The following SLC36A1 variants were observed in gnomAD, a reference collection of about 807,000 sequenced individuals.
SLC36A1 encodes the protein proton-coupled amino acid transporter 1.
SLC36A1 carries 30 observed loss-of-function variants against 47.5 expected under a neutral mutation model. The ratio of observed to expected loss-of-function variants is 0.63; its 90% CI spans 0.47 to 0.86. The LOEUF is 0.86. SLC36A1 is among the 40% of genes least tolerant of loss of function. The probability of loss-of-function intolerance (pLI) is 0.00; values close to 1 mark genes in which losing one functional copy is unlikely to be tolerated. For missense variants in SLC36A1, 517 were observed against 606.0 expected (o/e 0.85, Z 1.54); for synonymous variants, 255 against 249.7 (o/e 1.02, Z -0.20).
chr5:151,502,518 T>C, the SLC36A1 span, among the ~76,000 whole-genome samples: 1 of 147,640 alleles, frequency 6.8e-6, no homozygotes, highest in African/African-American at 2.7e-5. Context: ...AGCAGATCTA[T>C]AGATGTCAAA....
chr5:151,371,151 CA>C, the SLC36A1 span, among the ~76,000 whole-genome samples: 1 of 151,976 alleles, frequency 6.6e-6, no homozygotes. Flanking sequence ...AAATGTCCTC[CA>C]GGGGTGGAGG....
the SLC36A1 span, among the ~76,000 whole-genome samples, chr5:151,430,859 C>T: frequency 6.6e-6 from 1 of 152,200 alleles, no homozygotes; most frequent in Non-Finnish European, 1.5e-5. Context: ...TAACACAAAG[C>T]CTTGCCCATT....
chr5:151,543,725 A>G, the SLC36A1 span: 3 of 1,614,208 alleles, frequency 1.9e-6, no homozygotes, highest in South Asian at 3.3e-5. Flanking sequence ...GTGTTGATGT[A>G]CACAGGCACA....
the SLC36A1 span, among the ~76,000 whole-genome samples, chr5:151,503,831 A>G: frequency 6.6e-6 from 1 of 152,122 alleles, no homozygotes; most frequent in Non-Finnish European, 1.5e-5. Context: ...AGAGCCCCAG[A>G]GCCCCATCTA....
the SLC36A1 span, chr5:151,554,277 G>A: frequency 4.8e-6 from 6 of 1,257,624 alleles, no homozygotes; most frequent in Admixed American, 2.2e-5. Context: ...ATGCTGGTGG[G>A]CTGTCTCCCT....
upstream of SLC36A1, among the ~76,000 whole-genome samples, chr5:151,436,630 TCA>T (rs1759790469): frequency 6.6e-6 from 1 of 152,072 alleles, no homozygotes; most frequent in Non-Finnish European, 1.5e-5. Context: ...TCTCTGAGGC[TCA>T]GTTTCCAATG....
chr5:151,473,808 G>A, intron 8 of SLC36A1, 37 bp downstream of exon 8: 4 of 1,432,600 alleles, frequency 2.8e-6, no homozygotes, highest in Non-Finnish European at 3.9e-6. Flanking sequence ...AGTGTTCTCT[G>A]GTGCCCTTGG....
chr5:151,416,749 A>G, the SLC36A1 span, among the ~76,000 whole-genome samples: 1 of 152,220 alleles, frequency 6.6e-6, no homozygotes, highest in Non-Finnish European at 1.5e-5. Flanking sequence ...CAGGATGATC[A>G]GGTGATATGG....
At chr5:151,377,418 G>T in the SLC36A1 span, among the ~76,000 whole-genome samples, 1 of 142,476 alleles carries the variant, frequency 7.0e-6, no homozygotes, top group African/African-American at 2.7e-5. Flanking sequence ...GCGCGATCTC[G>T]ACTCACTGCA....
chr5:151,451,241 T>G (rs1484284513), intron 1 of SLC36A1, among the ~76,000 whole-genome samples: 2 of 152,126 alleles, frequency 1.3e-5, no homozygotes, highest in Admixed American at 1.3e-4. Flanking sequence ...TTTTTGGAGA[T>G]GAGGTCTCAC....
the SLC36A1 span, among the ~76,000 whole-genome samples, chr5:151,373,907 C>G: frequency 1.3e-5 from 2 of 152,058 alleles, no homozygotes; most frequent in African/African-American, 4.8e-5. Flanking sequence ...GCCTGTTCTT[C>G]TTTATTTTAA....
chr5:151,547,796 T>G, the SLC36A1 span, among the ~76,000 whole-genome samples: 3 of 152,332 alleles, frequency 2.0e-5, no homozygotes, highest in Admixed American at 2.0e-4. Flanking sequence ...GTATATTCAT[T>G]ATGATCTCAA....
At chr5:151,359,465 A>G in the SLC36A1 span, among the ~76,000 whole-genome samples, 3 of 152,238 alleles carry the variant, frequency 2.0e-5, no homozygotes, top group African/African-American at 7.2e-5. Context: ...ATAAGAGGCT[A>G]AGAGGGGACA....
the SLC36A1 span, chr5:151,505,651 G>A: frequency 6.2e-7 from 1 of 1,614,142 alleles, no homozygotes; most frequent in Non-Finnish European, 8.5e-7. Context: ...GGCTGGCCCT[G>A]GCCTGCAAGA....
chr5:151,431,941 A>G, the SLC36A1 span, among the ~76,000 whole-genome samples: 4 of 152,220 alleles, frequency 2.6e-5, no homozygotes, highest in Admixed American at 2.6e-4. Flanking sequence ...GCTTAAATAC[A>G]GCTTTACCCT....
chr5:151,476,911 G>A lies in SLC36A1; in HGVS notation c.989+155G>A, dbSNP rs773930871. On this transcript the variant is annotated intron_variant, in intron 9 of 10. Coordinates refer to ENST00000243389, the MANE Select transcript of SLC36A1 (RefSeq NM_078483.4). ...ACTGCCAGCCCTCACTGGCTGCCCT[G>A]GACTGCATTCTGTTTGGGGAATTCA... The A allele has an allele frequency of 1.1e-5, 10 of 924,840 alleles. No individual in the cohort carries two copies. In the South Asian group the frequency reaches 1.1e-4, roughly 10 times the overall value. 57.3% of individuals were successfully genotyped at this position (924,840 alleles called of 1,614,324 possible).
intron 1 of SLC36A1, among the ~76,000 whole-genome samples, chr5:151,454,902 C>T (rs559595724): frequency 7.2e-5 from 11 of 152,094 alleles, no homozygotes; most frequent in African/African-American, 1.9e-4. Flanking sequence ...TTAGTAGAGA[C>T]GGCTTTTAAA....
At chr5:151,497,471 G>T in the SLC36A1 span, among the ~76,000 whole-genome samples, 1 of 152,116 alleles carries the variant, frequency 6.6e-6, no homozygotes, top group African/African-American at 2.4e-5. Context: ...TCTTTATATT[G>T]TTAGATTGCC....
At chr5:151,433,249 T>C (rs1327227612), upstream of SLC36A1, among the ~76,000 whole-genome samples, 3 of 15,890 alleles carry the variant, frequency 1.9e-4, no homozygotes, top group African/African-American at 7.9e-4. Context: ...TATATATATA[T>C]ATATATATAT....
Sources: gnomAD v4.1 joint callset for allele counts (sites outside exome capture counted in the v4.1 genomes callset) on GRCh38, gnomAD v4.1.1 for gene constraint, MANE v1.5 for transcripts, NCBI Gene and HGNC (gene_info 2026-07-23, HGNC 2026-07-21) for gene names.